NLGN4Y: variants seen among roughly 807,000 people sequenced by gnomAD.
NLGN4Y encodes the protein neuroligin-4, Y-linked.
In NLGN4Y, 4 loss-of-function variants were observed where a neutral mutation model predicts 8.4. The observed-to-expected ratio is 0.48, with a 90% CI of 0.23 to 1.09. NLGN4Y has a LOEUF of 1.09. Among genes scored for constraint, NLGN4Y ranks in the 50% least tolerant of loss-of-function variants. The pLI is 0.19. For synonymous variants in NLGN4Y, 35 were observed against 75.6 expected (o/e 0.46, Z 2.78); for missense variants, 90 against 192.3 (o/e 0.47, Z 3.15).
chrY:14,639,282 G>T, intron 2 of NLGN4Y: 1 of 197,422 alleles, frequency 5.1e-6, no homozygotes, highest in East Asian at 1.3e-4. Context: ...AGTGAAGAAG[G>T]CAACTGTTTT....
intron 4 of NLGN4Y, among the ~76,000 whole-genome samples, chrY:14,792,855 T>A (rs1603504097): frequency 1.3e-4 from 2 of 15,801 alleles, no homozygotes; most frequent in South Asian, 2.2e-3. Context: ...AGAGAGAGTG[T>A]GTGTGTGTGT....
At chrY:14,702,431 C>A (rs2080854919) in intron 2 of NLGN4Y, among the ~76,000 whole-genome samples, 1 of 31,672 alleles carries the variant, frequency 3.2e-5, no homozygotes, top group Non-Finnish European at 7.6e-5. Context: ...TTTGTCCTTG[C>A]GATAGTTTGC....
At chrY:14,546,698 G>A (rs2080173480) in intron 1 of NLGN4Y, among the ~76,000 whole-genome samples, 1 of 32,484 alleles carries the variant, frequency 3.1e-5, no homozygotes, top group East Asian at 8.0e-4. Context: ...GCGTTTTCTA[G>A]ATATACAATC....
chrY:14,686,403 A>G, intron 2 of NLGN4Y, among the ~76,000 whole-genome samples: 1 of 32,294 alleles, frequency 3.1e-5, no homozygotes, highest in South Asian at 7.0e-4. Context: ...GCTTTGCATT[A>G]TTCCTTCATT....
intron 1 of NLGN4Y, among the ~76,000 whole-genome samples, chrY:14,568,316 G>A: frequency 3.0e-5 from 1 of 33,365 alleles, no homozygotes. Context: ...GAGCCCTTCA[G>A]GAGAATGAGA....
intron 4 of NLGN4Y, among the ~76,000 whole-genome samples, chrY:14,785,932 GAAAA>G (rs774738249): frequency 3.1e-5 from 1 of 32,753 alleles, no homozygotes; most frequent in African/African-American, 1.2e-4. Context: ...AAGAAAAAAA[GAAAA>G]AAAAGAAAAG....
intron 1 of NLGN4Y, among the ~76,000 whole-genome samples, chrY:14,575,523 A>T (rs2080294376): frequency 3.1e-5 from 1 of 32,294 alleles, no homozygotes; most frequent in South Asian, 7.1e-4. Flanking sequence ...CTTCTTTGCC[A>T]TGGGTTCAAA....
chrY:14,541,969 G>A (rs2080150606), intron 1 of NLGN4Y, among the ~76,000 whole-genome samples: 1 of 33,539 alleles, frequency 3.0e-5, no homozygotes, highest in Non-Finnish European at 7.4e-5. Context: ...AACCTTAAAT[G>A]TAAATGGGCT....
chrY:14,712,943 G>T (rs756645151), intron 2 of NLGN4Y, among the ~76,000 whole-genome samples: 1 of 33,399 alleles, frequency 3.0e-5, no homozygotes, highest in Non-Finnish European at 7.4e-5. Context: ...TGGATTACAA[G>T]ATTAAGCCTG....
intron 5 of NLGN4Y, among the ~76,000 whole-genome samples, chrY:14,826,932 A>G (rs539087272): frequency 3.0e-5 from 1 of 32,919 alleles, no homozygotes; most frequent in Non-Finnish European, 7.4e-5. Context: ...AAATAAAATT[A>G]AAAAAATACC....
In NLGN4Y at chrY:14,590,513, G is replaced by T. The variant is rs559560200; in HGVS notation, c.-111-31496G>T. Among the ~76,000 whole-genome samples the T allele has an allele frequency of 5.6e-3, 188 of 33,673 alleles. No homozygotes were observed. The South Asian group carries it at 0.12, about 22-fold the overall frequency. The allele number at this position is 33,673 out of a possible 37,273, so 90.3% of individuals were successfully genotyped here. ...GGAAGTGCCAGCAAGTCGGTCCAGG[G>T]GTCCTCGGTAGAAGTTGTTAGTTGA... is the stretch of plus-strand genomic sequence containing the variant. On this transcript the variant is annotated intron_variant, in intron 1 of 6. Transcript: ENST00000684976.
intron 3 of NLGN4Y, among the ~76,000 whole-genome samples, chrY:14,720,488 G>C: frequency 3.0e-5 from 1 of 33,138 alleles, no homozygotes; most frequent in Non-Finnish European, 7.4e-5. Context: ...GGCTCTATAT[G>C]ATTAGCTAAC....
chrY:14,732,782 T>C, intron 4 of NLGN4Y, among the ~76,000 whole-genome samples: 1 of 33,159 alleles, frequency 3.0e-5, no homozygotes, highest in African/African-American at 1.2e-4. Flanking sequence ...TAGATCCTGA[T>C]TGTAGATCAA....
chrY:14,584,050 A>G, intron 1 of NLGN4Y, among the ~76,000 whole-genome samples: 1 of 33,988 alleles, frequency 2.9e-5, no homozygotes. Context: ...ATGGCCAGGA[A>G]GACAGGAAGA....
rs547542237 is a variant in NLGN4Y, at chrY:14,609,476, T to G, written c.-111-12533T>G. 3.0e-3 allele frequency among the ~76,000 whole-genome samples: 102 copies of G among 33,703 alleles called. No homozygotes were observed. In the Middle Eastern group the frequency reaches 0.055, roughly 18 times the overall value. 90.4% of individuals were successfully genotyped at this position (33,703 alleles called of 37,273 possible). Reference sequence around the variant, plus strand: ...TGCATCTATTGGGATAATCACATGTTTTTTTGTCATTGTTTCTGTTTATGT... The same window carrying G: ...TGCATCTATTGGGATAATCACATGTGTTTTTGTCATTGTTTCTGTTTATGT... On this transcript the variant is annotated intron_variant, in intron 1 of 6. Coordinates refer to ENST00000684976, the MANE Select transcript of NLGN4Y (RefSeq NM_001365588.1).
At chrY:14,693,848 C>T in intron 2 of NLGN4Y, among the ~76,000 whole-genome samples, 1 of 31,149 alleles carries the variant, frequency 3.2e-5, no homozygotes, top group African/African-American at 1.3e-4. Flanking sequence ...TACGATGAAA[C>T]TTAAAATGTA....
chrY:14,704,568 T>G (rs2080869210), intron 2 of NLGN4Y, among the ~76,000 whole-genome samples: 3 of 33,203 alleles, frequency 9.0e-5, no homozygotes, highest in Non-Finnish European at 2.2e-4. Context: ...TTGCCAGTAT[T>G]TTATTGAGGA....
chrY:14,631,211 C>A, intron 2 of NLGN4Y, among the ~76,000 whole-genome samples: 1 of 32,968 alleles, frequency 3.0e-5, no homozygotes, highest in Non-Finnish European at 7.4e-5. Context: ...GGATTACAGG[C>A]ATGTGCCACC....
intron 1 of NLGN4Y, among the ~76,000 whole-genome samples, chrY:14,609,142 A>G: frequency 3.0e-5 from 1 of 33,426 alleles, no homozygotes; most frequent in African/African-American, 1.2e-4. Flanking sequence ...TAAATATTCA[A>G]TCATGTTATC....
Sources: gnomAD v4.1 joint callset for allele counts (sites outside exome capture counted in the v4.1 genomes callset) on GRCh38, gnomAD v4.1.1 for gene constraint, MANE v1.5 for transcripts, NCBI Gene and HGNC (gene_info 2026-07-23, HGNC 2026-07-21) for gene names.